The following CEP128 variants were observed in gnomAD, a reference collection of about 807,000 sequenced individuals.
CEP128 encodes centrosomal protein 128kDa.
A neutral mutation model predicts 156.7 loss-of-function variants in CEP128; 132 were observed. That is an observed-to-expected ratio of 0.84 (90% CI 0.73 to 0.97). The LOEUF (loss-of-function observed/expected upper bound fraction) is 0.97. Among genes scored for constraint, CEP128 ranks in the 50% least tolerant of loss-of-function variants. The pLI, the probability that CEP128 is intolerant of heterozygous loss-of-function variation, is 0.00. For missense variants in CEP128, 1,252 were observed against 1,281.9 expected, an observed-to-expected ratio of 0.98 and a Z score of 0.36; for synonymous variants, 469 against 448.9, an observed-to-expected ratio of 1.04 and a Z score of -0.57.
chr14:80,944,239 A>G (rs903099752), upstream of CEP128, among the ~76,000 whole-genome samples: 5 of 152,082 alleles, frequency 3.3e-5, no homozygotes, highest in Non-Finnish European at 5.9e-5. Context: ...AAAACCCACA[A>G]AGAGTATTGA....
intron 21 of CEP128, among the ~76,000 whole-genome samples, chr14:80,550,029 C>A (rs1477580453): frequency 6.6e-6 from 1 of 152,136 alleles, no homozygotes; most frequent in African/African-American, 2.4e-5. Context: ...AGTTCAATGA[C>A]TCTTTCAGAG....
Position 80,914,259 on chromosome 14 carries a change from C to T in CEP128, c.234+63G>A, listed in dbSNP as rs868608144. ...TTTCCTTTAGCTCACAGCCCCATTC[C>T]CCAAAACACTTCATTCCCAAAAAGG... is the stretch of plus-strand genomic sequence containing the variant. On this transcript the variant is annotated intron_variant, in intron 4 of 24. Transcript: ENST00000555265. 5.8e-6 allele frequency: 7 copies of T among 1,209,156 alleles called. No individual in the cohort carries two copies. The Middle Eastern group carries it at 1.3e-3, about 230-fold the overall frequency. The allele number at this position is 1,209,156 out of a possible 1,614,324, so 74.9% of individuals were successfully genotyped here. A position where few individuals can be genotyped will look rare whatever the true frequency, so the allele number is the denominator to read the frequency against.
At chr14:80,812,025 T>C (rs1475922492) in intron 13 of CEP128, among the ~76,000 whole-genome samples, 1 of 152,200 alleles carries the variant, frequency 6.6e-6, no homozygotes, top group Non-Finnish European at 1.5e-5. Context: ...ATATATAGTT[T>C]TAGTTTTTCA....
chr14:80,952,197 G>A (rs1328777198), intron 2 of CEP128, among the ~76,000 whole-genome samples: 2 of 149,988 alleles, frequency 1.3e-5, no homozygotes, highest in Admixed American at 6.6e-5. Context: ...CTCCACAAAA[G>A]CTGATCACTT....
At chr14:80,872,816 C>T (rs886829624) in intron 8 of CEP128, among the ~76,000 whole-genome samples, 1 of 152,086 alleles carries the variant, frequency 6.6e-6, no homozygotes, top group Non-Finnish European at 1.5e-5. Flanking sequence ...ATGTTGACTT[C>T]AATTGGAATG....
At chr14:80,679,330 A>T (rs4903933) in intron 19 of CEP128, among the ~76,000 whole-genome samples, 1 of 152,060 alleles carries the variant, frequency 6.6e-6, no homozygotes, top group African/African-American at 2.4e-5. Context: ...ATAAACAGAC[A>T]TGCAAGTAGG....
chr14:80,566,776 A>T (rs1017199819), intron 20 of CEP128, among the ~76,000 whole-genome samples: 1 of 151,866 alleles, frequency 6.6e-6, no homozygotes, highest in Non-Finnish European at 1.5e-5. Context: ...ATTTCTGTTC[A>T]TTCATTTCAC....
intron 21 of CEP128, among the ~76,000 whole-genome samples, chr14:80,549,220 A>C (rs1221610724): frequency 6.6e-6 from 1 of 152,212 alleles, no homozygotes. Flanking sequence ...GCGAATATAC[A>C]GAAGGTAGAC....
intron 19 of CEP128, among the ~76,000 whole-genome samples, chr14:80,609,477 C>G (rs1892911526): frequency 1.3e-5 from 2 of 152,282 alleles, no homozygotes; most frequent in South Asian, 2.1e-4. Flanking sequence ...CCCCCACCCC[C>G]ATCCACTGGG....
intron 2 of CEP128, among the ~76,000 whole-genome samples, chr14:80,938,341 G>A (rs1376694113): frequency 6.7e-6 from 1 of 149,088 alleles, no homozygotes; most frequent in Non-Finnish European, 1.5e-5. Context: ...CTGCCTCCTG[G>A]GTTCATGCCA....
At chr14:80,801,841 G>C (rs1238955821) in intron 13 of CEP128, among the ~76,000 whole-genome samples, 1 of 139,744 alleles carries the variant, frequency 7.2e-6, no homozygotes, top group Non-Finnish European at 1.5e-5. Flanking sequence ...CCAGGAGGCG[G>C]AGGTTGCAGT....
At chr14:80,755,937 C>T (rs1470812655) in intron 18 of CEP128, among the ~76,000 whole-genome samples, 1 of 152,154 alleles carries the variant, frequency 6.6e-6, no homozygotes, top group Non-Finnish European at 1.5e-5. Flanking sequence ...GAAAACTGCT[C>T]ACAAGCTCCC....
At chr14:80,628,850 A>G (rs1163614463) in intron 19 of CEP128, among the ~76,000 whole-genome samples, 2 of 152,176 alleles carry the variant, frequency 1.3e-5, no homozygotes, top group Non-Finnish European at 2.9e-5. Flanking sequence ...ATGTATAGTC[A>G]CTTCTTACAG....
chr14:80,793,930 A>C lies in CEP128; in HGVS notation c.1210-820T>G, dbSNP rs142797718. Among the ~76,000 whole-genome samples, 281 of 152,332 alleles carry C rather than the reference A, an allele frequency of 1.8e-3. 2 individuals carry two copies. Among genetic ancestry groups the C allele is most frequent in the African/African-American group, 6.5e-3 (271 of 41,590 alleles). On this transcript the variant is annotated intron_variant, in intron 13 of 24. Transcript: ENST00000555265. ...TTATACAAATAAAATAATCATTAAC[A>C]TTAAGCCATTAAAGAATCATTAACA...
chr14:80,565,330 C>T (rs1017954402), intron 20 of CEP128, among the ~76,000 whole-genome samples: 2 of 152,086 alleles, frequency 1.3e-5, no homozygotes, highest in Non-Finnish European at 2.9e-5. Context: ...CCATCTCCAA[C>T]CTGACCAATC....
intron 20 of CEP128, among the ~76,000 whole-genome samples, chr14:80,563,454 C>A (rs561832092): frequency 1.8e-4 from 26 of 147,740 alleles, no homozygotes; most frequent in Non-Finnish European, 3.3e-4. Flanking sequence ...ATGCAACACA[C>A]ATATGTAATT....
At chr14:80,702,970 G>T (rs1442641405) in intron 19 of CEP128, among the ~76,000 whole-genome samples, 1 of 152,092 alleles carries the variant, frequency 6.6e-6, no homozygotes, top group East Asian at 1.9e-4. Context: ...GCTATAAAAA[G>T]ATTATGTATG....
intron 16 of CEP128, among the ~76,000 whole-genome samples, chr14:80,768,626 G>A (rs1347944594): frequency 6.6e-6 from 1 of 152,142 alleles, no homozygotes; most frequent in Non-Finnish European, 1.5e-5. Flanking sequence ...GGAGCTAATA[G>A]AAAAACGGGA....
At chr14:80,597,034 C>A in intron 19 of CEP128, among the ~76,000 whole-genome samples, 1 of 149,506 alleles carries the variant, frequency 6.7e-6, no homozygotes, top group African/African-American at 2.5e-5. Flanking sequence ...AAAAAACCAG[C>A]AAGCAGAAGT....
Sources: allele counts gnomAD v4.1 joint callset (sites outside exome capture counted in the v4.1 genomes callset), GRCh38; gene constraint gnomAD v4.1.1; transcripts MANE v1.5; gene names NCBI Gene and HGNC (gene_info 2026-07-23, HGNC 2026-07-21).